ASAH2: variants seen among roughly 807,000 people sequenced by gnomAD.
The protein encoded by ASAH2 is neutral ceramidase.
ASAH2 carries 58 observed loss-of-function variants against 82.9 expected under a neutral mutation model. That is an observed-to-expected ratio of 0.70 (90% CI 0.57 to 0.87). The LOEUF is 0.87. Among genes scored for constraint, ASAH2 ranks in the 40% least tolerant of loss-of-function variants. The pLI, the probability that ASAH2 is intolerant of heterozygous loss-of-function variation, is 0.00. For missense variants in ASAH2, 779 were observed against 834.0 expected, an observed-to-expected ratio of 0.93 and a Z score of 0.81; for synonymous variants, 276 against 289.7, an observed-to-expected ratio of 0.95 and a Z score of 0.48.
chr10:50,203,216 G>A (rs934290533), intron 15 of ASAH2, among the ~76,000 whole-genome samples: 17 of 151,802 alleles, frequency 1.1e-4, no homozygotes, highest in Non-Finnish European at 2.2e-4. Context: ...AATTTCCAGC[G>A]CTAAGTAACA....
intron 13 of ASAH2, 32 bp from the exon 14 acceptor site, chr10:50,204,987 G>A: frequency 6.9e-7 from 1 of 1,455,534 alleles, no homozygotes; most frequent in Non-Finnish European, 9.5e-7. Flanking sequence ...ATTATGTTAG[G>A]GATAACACTC....
chr10:50,205,601 G>A (rs1333608100), intron 13 of ASAH2, among the ~76,000 whole-genome samples: 1 of 151,986 alleles, frequency 6.6e-6, no homozygotes, highest in African/African-American at 2.4e-5. Flanking sequence ...CCTGAACTGT[G>A]AGAAAATTTA....
intron 7 of ASAH2, among the ~76,000 whole-genome samples, chr10:50,222,835 G>A (rs2813314): frequency 0.69 from 105,566 of 152,080 alleles, 41,057 homozygotes; most frequent in Non-Finnish European, 0.88. Context: ...ATTTTAAAAC[G>A]CAGTACTTAT....
At chr10:50,205,904 TAC>T (rs1319970896) in intron 13 of ASAH2, 76 bp downstream of exon 13, 2 of 1,116,920 alleles carry the variant, frequency 1.8e-6, no homozygotes, top group Non-Finnish European at 2.8e-6. Context: ...AGTAGATATC[TAC>T]CATTCATTAC....
rs1363721150 is a variant in ASAH2, at chr10:50,199,713, C to G, written c.1762-567G>C. 3.3e-5 allele frequency among the ~76,000 whole-genome samples: 5 copies of G among 150,146 alleles called. No homozygotes were observed. In the East Asian group the frequency reaches 1.0e-3, roughly 30 times the overall value. Reference sequence around the variant, plus strand: ...TTCCTCCACAACATTCTCATCTCAGCGAATGTCATCTTTCCAGTCTCCCAT... The same window carrying G: ...TTCCTCCACAACATTCTCATCTCAGGGAATGTCATCTTTCCAGTCTCCCAT... On this transcript the variant is annotated intron_variant, in intron 16 of 20. Transcript: ENST00000682911.
At chr10:50,232,395 C>T (rs897605815) in intron 7 of ASAH2, among the ~76,000 whole-genome samples, 1 of 152,020 alleles carries the variant, frequency 6.6e-6, no homozygotes, top group Non-Finnish European at 1.5e-5. Context: ...CTAATAAGGA[C>T]AAGAGCCCAG....
chr10:50,212,758 T>G lies in ASAH2; in HGVS notation c.1227+214A>C, dbSNP rs998663526. On this transcript the variant is annotated intron_variant, in intron 10 of 20. Coordinates refer to ENST00000682911, the MANE Select transcript of ASAH2 (RefSeq NM_019893.4). ...GTTTTCCTGATTACTTGGTTTTAAATGTACTTCCTATAAGAAGTCAGACCT... is the reference window on the plus strand; with the variant it reads ...GTTTTCCTGATTACTTGGTTTTAAAGGTACTTCCTATAAGAAGTCAGACCT... Among the ~76,000 whole-genome samples, 11 of 152,300 alleles carry G rather than the reference T, an allele frequency of 7.2e-5. No individual in the cohort carries two copies. In the South Asian group the frequency reaches 2.3e-3, roughly 32 times the overall value.
chr10:50,211,185 T>C (rs1423284205), intron 10 of ASAH2, 51 bp from the exon 11 acceptor site: 1 of 1,219,860 alleles, frequency 8.2e-7, no homozygotes, highest in South Asian at 1.2e-5. Context: ...AAAGTGATCA[T>C]CTCCAACTGT....
chr10:50,212,573 A>G (rs1449896797), intron 10 of ASAH2, among the ~76,000 whole-genome samples: 1 of 152,098 alleles, frequency 6.6e-6, no homozygotes, highest in Non-Finnish European at 1.5e-5. Flanking sequence ...AAAAGTTAAG[A>G]GATAGTTGGG....
chr10:50,233,396 T>C, intron 6 of ASAH2, 135 bp from the exon 7 acceptor site: 1 of 695,518 alleles, frequency 1.4e-6, no homozygotes, highest in Non-Finnish European at 2.6e-6. Flanking sequence ...AGTAGTTCTG[T>C]GAACTGTATC....
At chr10:50,232,424 G>A (rs941238648) in intron 7 of ASAH2, among the ~76,000 whole-genome samples, 6 of 152,076 alleles carry the variant, frequency 3.9e-5, no homozygotes, top group Non-Finnish European at 8.8e-5. Flanking sequence ...CAAGCCATTT[G>A]ACTGTAGCAC....
intron 3 of ASAH2, 106 bp from the exon 4 acceptor site, chr10:50,243,457 T>C: frequency 2.4e-6 from 3 of 1,236,110 alleles, no homozygotes; most frequent in Non-Finnish European, 3.3e-6. Flanking sequence ...AAGAAAAACA[T>C]CCACATGACA....
chr10:50,196,601 CA>C (rs1844990234), intron 18 of ASAH2, among the ~76,000 whole-genome samples, 171 bp downstream of exon 18: 1 of 146,170 alleles, frequency 6.8e-6, no homozygotes, highest in African/African-American at 2.6e-5. Flanking sequence ...CAATTACTTA[CA>C]AAAAATAAAT....
chr10:50,222,752 C>T (rs1845780112), intron 7 of ASAH2, among the ~76,000 whole-genome samples: 1 of 152,162 alleles, frequency 6.6e-6, no homozygotes, highest in Non-Finnish European at 1.5e-5. Flanking sequence ...AAATAGCAAA[C>T]TTGTCACAGC....
At chr10:50,244,077 G>A (rs1240078040) in intron 3 of ASAH2, among the ~76,000 whole-genome samples, 1 of 152,198 alleles carries the variant, frequency 6.6e-6, no homozygotes, top group South Asian at 2.1e-4. Context: ...CAGCAGAGAA[G>A]GGGCTGTCTG....
intron 9 of ASAH2, among the ~76,000 whole-genome samples, chr10:50,213,995 G>T (rs1355287515): frequency 6.6e-6 from 1 of 152,092 alleles, no homozygotes; most frequent in Non-Finnish European, 1.5e-5. Flanking sequence ...TGAAAACAAA[G>T]CTAAATGAAC....
intron 13 of ASAH2, among the ~76,000 whole-genome samples, chr10:50,205,325 C>A (rs906679804): frequency 0.024 from 3,624 of 151,934 alleles, 74 homozygotes; most frequent in Middle Eastern, 0.12. Context: ...TTACAGTTTC[C>A]AAGTCTTACT....
Position 50,214,821 on chromosome 10 carries a change from G to T in ASAH2, c.1062C>A (p.Ser354=), listed in dbSNP as rs1406599910. Residue 354 remains serine, a synonymous_variant, in exon 9 of 21, where the codon TCC becomes TCA. Transcript: ENST00000682911. ...AFASSNLGDV[S]PNILGPRCIN... ...TGCAACGTGGTCCAAGAATGTTGGG[G>T]GACACATCTCCTAGGTTTGATGAAG... 6.2e-7 allele frequency: 1 copy of T among 1,613,698 alleles called. No homozygotes were observed. The highest frequency in any genetic ancestry group is 1.7e-5 in the Admixed American group (1 of 60,004).
At chr10:50,204,066 A>C (rs1239143595) in intron 14 of ASAH2, among the ~76,000 whole-genome samples, 1 of 152,020 alleles carries the variant, frequency 6.6e-6, no homozygotes, top group Non-Finnish European at 1.5e-5. Context: ...GAGGTGAGTA[A>C]AGGGGAGAGA....
Sources: gnomAD v4.1 joint callset for allele counts (sites outside exome capture counted in the v4.1 genomes callset) on GRCh38, gnomAD v4.1.1 for gene constraint, MANE v1.5 for transcripts, NCBI Gene and HGNC (gene_info 2026-07-23, HGNC 2026-07-21) for gene names.